PCNX2: variants seen among roughly 807,000 people sequenced by gnomAD.
PCNX2 encodes pecanex 2.
In PCNX2, 168 loss-of-function variants were observed where a neutral mutation model predicts 223.8. The observed-to-expected ratio is 0.75, with a 90% CI of 0.66 to 0.85. The LOEUF (loss-of-function observed/expected upper bound fraction) is 0.85. Among genes scored for constraint, PCNX2 ranks in the 40% least tolerant of loss-of-function variants. The pLI, the probability that PCNX2 is intolerant of heterozygous loss-of-function variation, is 0.00. For missense variants in PCNX2, 2,507 were observed against 2,675.5 expected (o/e 0.94, Z 1.39); for synonymous variants, 1,006 against 1,052.6 (o/e 0.96, Z 0.86).
At chr1:233,144,652 A>G (rs149240158) in intron 19 of PCNX2, among the ~76,000 whole-genome samples, 196 of 152,234 alleles carry the variant, frequency 1.3e-3, no homozygotes, top group African/African-American at 4.6e-3. Flanking sequence ...ATCTTTTTAC[A>G]TGTTTACTGG....
intron 1 of PCNX2, among the ~76,000 whole-genome samples, chr1:233,283,950 A>G (rs75454824): frequency 2.9e-4 from 44 of 152,280 alleles, no homozygotes; most frequent in Non-Finnish European, 4.3e-4. Flanking sequence ...CACTACCTTA[A>G]CCAATGATGC....
intron 1 of PCNX2, among the ~76,000 whole-genome samples, chr1:233,294,500 T>G (rs2103033158): frequency 6.6e-6 from 1 of 152,262 alleles, no homozygotes; most frequent in Admixed American, 6.5e-5. Flanking sequence ...ATTGACGATT[T>G]TTGCTGTAAA....
At chr1:233,117,609 A>AT (rs1468453487) in intron 21 of PCNX2, among the ~76,000 whole-genome samples, 1 of 149,798 alleles carries the variant, frequency 6.7e-6, no homozygotes, top group African/African-American at 2.5e-5. Context: ...TAAAGAAAAA[A>AT]AAAAAAAAGA....
chr1:233,120,444 T>C (rs894615823), intron 21 of PCNX2, among the ~76,000 whole-genome samples: 1 of 152,124 alleles, frequency 6.6e-6, no homozygotes, highest in Non-Finnish European at 1.5e-5. Context: ...ATAGTGGGAA[T>C]AGAAAATGCT....
chr1:233,096,180 C>G (rs1674154340), intron 21 of PCNX2, among the ~76,000 whole-genome samples: 1 of 152,126 alleles, frequency 6.6e-6, no homozygotes, highest in South Asian at 2.1e-4. Context: ...CATATTGGAT[C>G]TTTTGGAGGG....
chr1:233,165,961 G>A (rs1426529873), intron 17 of PCNX2, among the ~76,000 whole-genome samples: 2 of 152,030 alleles, frequency 1.3e-5, no homozygotes, highest in Non-Finnish European at 2.9e-5. Flanking sequence ...TGGTTTCAAG[G>A]TTTATTACAA....
At chr1:233,204,652 CTTTCCTT>C (rs2102903335) in intron 13 of PCNX2, among the ~76,000 whole-genome samples, 1 of 152,360 alleles carries the variant, frequency 6.6e-6, no homozygotes, top group African/African-American at 2.4e-5. Context: ...GCCACTATCT[CTTTCCTT>C]TCTCTCCCAT....
chr1:232,995,014 A>T (rs1252077306), intron 32 of PCNX2, among the ~76,000 whole-genome samples: 1 of 152,190 alleles, frequency 6.6e-6, no homozygotes, highest in African/African-American at 2.4e-5. Flanking sequence ...CTGCAAGATG[A>T]GGAGGGTGAA....
intron 27 of PCNX2, among the ~76,000 whole-genome samples, chr1:233,015,024 T>C (rs1670601557): frequency 6.6e-6 from 1 of 152,208 alleles, no homozygotes; most frequent in Admixed American, 6.5e-5. Flanking sequence ...TGTGGGCTGA[T>C]GATCTGCTTT....
chr1:233,280,147 C>T (rs1005115546), intron 1 of PCNX2, among the ~76,000 whole-genome samples: 7 of 152,112 alleles, frequency 4.6e-5, no homozygotes, highest in East Asian at 1.9e-4. Context: ...CACTGTAGGA[C>T]GTACCTTAAT....
chr1:233,015,195 C>T (rs1670608326), intron 27 of PCNX2, among the ~76,000 whole-genome samples: 1 of 152,142 alleles, frequency 6.6e-6, no homozygotes, highest in South Asian at 2.1e-4. Context: ...TCTGTTCTCC[C>T]TAAAAGAAGG....
At chr1:233,034,659 C>T (rs1464465717) in intron 25 of PCNX2, among the ~76,000 whole-genome samples, 1 of 152,170 alleles carries the variant, frequency 6.6e-6, no homozygotes, top group East Asian at 1.9e-4. Flanking sequence ...GCAGGGTTGG[C>T]ATTTTCTTGG....
At chr1:233,232,782 C>T in intron 9 of PCNX2, 1 of 984,016 alleles carries the variant, frequency 1.0e-6, no homozygotes, top group Non-Finnish European at 1.2e-6. Flanking sequence ...GTCAGCCAGG[C>T]CTAGCACTGT....
At chr1:233,322,208 C>G in the PCNX2 span, among the ~76,000 whole-genome samples, 1 of 152,118 alleles carries the variant, frequency 6.6e-6, no homozygotes, top group Non-Finnish European at 1.5e-5. Flanking sequence ...ATTCTTGCCA[C>G]CATCTGTTTA....
At chr1:233,300,284 A>G (rs766111436), upstream of PCNX2, among the ~76,000 whole-genome samples, 3 of 152,188 alleles carry the variant, frequency 2.0e-5, no homozygotes, top group Non-Finnish European at 4.4e-5. Flanking sequence ...TTTGCACATC[A>G]TTTTCTGGCA....
At chr1:233,243,583 T>G (rs1348974442) in intron 8 of PCNX2, among the ~76,000 whole-genome samples, 1 of 152,158 alleles carries the variant, frequency 6.6e-6, no homozygotes, top group Non-Finnish European at 1.5e-5. Flanking sequence ...ATCACATAAA[T>G]CAACTCATAA....
At chr1:233,044,116 G>A (rs1042640385) in intron 25 of PCNX2, among the ~76,000 whole-genome samples, 33 of 152,156 alleles carry the variant, frequency 2.2e-4, no homozygotes, top group Admixed American at 5.9e-4. Context: ...GGTGTGAGAC[G>A]GTATCTCATT....
At chr1:233,022,967 G>T (rs986348308) in intron 26 of PCNX2, among the ~76,000 whole-genome samples, 2 of 152,136 alleles carry the variant, frequency 1.3e-5, no homozygotes, top group African/African-American at 4.8e-5. Context: ...AAAGTGCTGG[G>T]ATTACAGGCT....
chr1:233,134,373 G>A (rs185005369), intron 21 of PCNX2, among the ~76,000 whole-genome samples: 12 of 152,234 alleles, frequency 7.9e-5, no homozygotes, highest in Admixed American at 2.0e-4. Flanking sequence ...CATTAGATAC[G>A]AGCCCCATAT....
Sources: gnomAD v4.1 joint callset for allele counts (sites outside exome capture counted in the v4.1 genomes callset) on GRCh38, gnomAD v4.1.1 for gene constraint, MANE v1.5 for transcripts, NCBI Gene and HGNC (gene_info 2026-07-23, HGNC 2026-07-21) for gene names.